GALNT18: variants seen among roughly 807,000 people sequenced by gnomAD.
GALNT18 encodes GalNAc-transferase 18.
In GALNT18, 44 loss-of-function variants were observed where a neutral mutation model predicts 69.5. The ratio of observed to expected loss-of-function variants is 0.63; its 90% CI spans 0.50 to 0.81. The LOEUF is 0.81. Ranked by LOEUF, GALNT18 falls within the 40% of genes least tolerant of loss-of-function variation. The pLI is 0.00. For missense variants in GALNT18, 715 were observed against 810.0 expected (o/e 0.88, Z 1.42); for synonymous variants, 364 against 318.2 (o/e 1.14, Z -1.53).
At chr11:11,352,971 T>A (rs781090364) in intron 6 of GALNT18, 3 of 1,614,206 alleles carry the variant, frequency 1.9e-6, no homozygotes, top group Admixed American at 3.3e-5. Context: ...TACTTCACTG[T>A]ATTTACCTCG....
rs555591968 is a variant in GALNT18 at position 11,415,407 on chromosome 11, C to T, written c.595+17214G>A. 7.9e-5 allele frequency among the ~76,000 whole-genome samples: 12 copies of T among 152,266 alleles called. No individual in the cohort carries two copies. The South Asian group carries it at 2.1e-3, about 26-fold the overall frequency. On this transcript the variant is annotated intron_variant, in intron 3 of 10. Transcript: ENST00000227756. This position sits in a 1 kb window ranked among gnomAD's most constrained non-coding sequence, Gnocchi z 4.1. ...AAATAGTTGCCGAATGAGAAAATAA[C>T]GTGTCCTTGTAGCCACCTACTTGTA...
Position 11,480,577 on chromosome 11 carries a change from G to C in GALNT18, c.236-31641C>G, listed in dbSNP as rs1856504792. Among the ~76,000 whole-genome samples the C allele has an allele frequency of 6.6e-6, 1 of 152,168 alleles. No homozygotes were observed. The highest frequency in any genetic ancestry group is 1.5e-5 in the Non-Finnish European group (1 of 68,026). On this transcript the variant is annotated intron_variant, in intron 1 of 10. Coordinates refer to ENST00000227756, the MANE Select transcript of GALNT18 (RefSeq NM_198516.3). The surrounding 1 kb of genome is among the most constrained non-coding windows in gnomAD (Gnocchi z 4.6). ...TAGAAAGAGGCTCTGAGCAGTCTCTGGTCACCACCTGGTCCCAGTACTGGT... is the reference window on the plus strand; with the variant it reads ...TAGAAAGAGGCTCTGAGCAGTCTCTCGTCACCACCTGGTCCCAGTACTGGT...
chr11:11,397,435 A>C (rs1450024491), intron 3 of GALNT18, among the ~76,000 whole-genome samples: 1 of 152,068 alleles, frequency 6.6e-6, no homozygotes, highest in African/African-American at 2.4e-5. Context: ...AAGGGAGGAA[A>C]CCCAGAATAA....
At chr11:11,371,318 G>T (rs541100971) in intron 6 of GALNT18, among the ~76,000 whole-genome samples, 9 of 152,212 alleles carry the variant, frequency 5.9e-5, no homozygotes. Context: ...CCTGCCTGGT[G>T]GGGTAGGAGA....
Position 11,383,236 on chromosome 11 carries a change from C to A in GALNT18, c.596-3972G>T, listed in dbSNP as rs1487163330. ...TTCAGACTTAGACGCCAAGGAAACA[C>A]AGGGGATTCACCAGCCTGGTCAAAC... On this transcript the variant is annotated intron_variant, in intron 3 of 10. Transcript: ENST00000227756. The surrounding 1 kb of genome is among the most constrained non-coding windows in gnomAD (Gnocchi z 5.2). Among the ~76,000 whole-genome samples, 1 of 152,176 alleles carries A rather than the reference C, an allele frequency of 6.6e-6. No homozygotes were observed. Among genetic ancestry groups the A allele is most frequent in the Non-Finnish European group, 1.5e-5 (1 of 68,032 alleles).
rs1396368535 is a variant in GALNT18, at chr11:11,617,314, G to T, written c.235+4045C>A. On this transcript the variant is annotated intron_variant, in intron 1 of 10. Transcript: ENST00000227756. The surrounding 1 kb of genome is among the most constrained non-coding windows in gnomAD (Gnocchi z 4.7). The stretch of plus-strand genomic sequence containing the variant: ...GACTAAAAGGGATTCTTTGTCCTTT[G>T]AAAACAAGTCCGCTATGACAAGGAC... 6.6e-6 allele frequency among the ~76,000 whole-genome samples: 1 copy of T among 152,170 alleles called. No homozygotes were observed. The highest frequency in any genetic ancestry group is 2.4e-5 in the African/African-American group (1 of 41,442).
At position 11,532,507 on chromosome 11, in the gene GALNT18, G is replaced by A. The variant is rs553671377; in HGVS notation, c.236-83571C>T. ...ACCCAGAACATAGTCATGGCCACAC[G>A]GTGGGCACTCAATCAATGCTCATAA... On this transcript the variant is annotated intron_variant, in intron 1 of 10. Coordinates refer to ENST00000227756, the MANE Select transcript of GALNT18 (RefSeq NM_198516.3). 1.6e-4 allele frequency among the ~76,000 whole-genome samples: 24 copies of A among 152,234 alleles called. No individual in the cohort carries two copies. In the East Asian group the frequency reaches 2.5e-3, roughly 16 times the overall value.
At chr11:11,276,492 CCT>C (rs575681734) in intron 10 of GALNT18, among the ~76,000 whole-genome samples, 6 of 152,134 alleles carry the variant, frequency 3.9e-5, no homozygotes, top group African/African-American at 1.4e-4. Context: ...AATTTGACTT[CCT>C]CTCTCTCTTC....
intron 1 of GALNT18, among the ~76,000 whole-genome samples, chr11:11,499,459 C>G (rs1180817763): frequency 6.6e-6 from 1 of 151,278 alleles, no homozygotes; most frequent in Non-Finnish European, 1.5e-5. Context: ...GGGCTCAAGA[C>G]TCCCAGACCT....
Position 11,592,419 on chromosome 11 carries a change from C to T in GALNT18, c.235+28940G>A, listed in dbSNP as rs919680789. On this transcript the variant is annotated intron_variant, in intron 1 of 10. Transcript: ENST00000227756. The surrounding 1 kb of genome is among the most constrained non-coding windows in gnomAD (Gnocchi z 5.9). ...TAATGTTTGAGCAATTCATCCTTCCCGCAACTGTCCTCCACTTTCCAGGCA... is the reference window on the plus strand; with the variant it reads ...TAATGTTTGAGCAATTCATCCTTCCTGCAACTGTCCTCCACTTTCCAGGCA... 5.9e-5 allele frequency among the ~76,000 whole-genome samples: 9 copies of T among 152,098 alleles called. No individual in the cohort carries two copies. The highest frequency in any genetic ancestry group is 2.1e-4 in the South Asian group (1 of 4,814).
Position 11,564,669 on chromosome 11 carries a change from T to A in GALNT18, c.235+56690A>T, listed in dbSNP as rs1350942006. On this transcript the variant is annotated intron_variant, in intron 1 of 10. Transcript: ENST00000227756. The surrounding 1 kb of genome is among the most constrained non-coding windows in gnomAD (Gnocchi z 4.3). ...TTGGAATTTAATACCAACTTATCTA[T>A]GAAAACCCTGCTAACCCAAGAAGTA... 6.6e-6 allele frequency among the ~76,000 whole-genome samples: 1 copy of A among 152,212 alleles called. No homozygotes were observed. The highest frequency in any genetic ancestry group is 1.5e-5 in the Non-Finnish European group (1 of 68,044).
chr11:11,347,509 G>A lies in GALNT18; in HGVS notation c.1093-6505C>T, dbSNP rs942969513. ...AAGTATGCCACAATTTATTCATTAC[G>A]GTTACCATGGGTAAGGGACTGGGGT... On this transcript the variant is annotated intron_variant, in intron 6 of 10. Coordinates refer to ENST00000227756, the MANE Select transcript of GALNT18 (RefSeq NM_198516.3). The surrounding 1 kb of genome is among the most constrained non-coding windows in gnomAD (Gnocchi z 4.0). Among the ~76,000 whole-genome samples, 12 of 152,132 alleles carry A rather than the reference G, an allele frequency of 7.9e-5. No homozygotes were observed. Among genetic ancestry groups the A allele is most frequent in the African/African-American group, 2.7e-4 (11 of 41,414 alleles).
At position 11,356,732 on chromosome 11, in the gene GALNT18, A is replaced by C. The variant is rs1199337624; in HGVS notation, c.1093-15728T>G. ...TCTCTTTTATACAGCTCCCTCATTG[A>C]ATGCAATTGAAAAAACCAAAGTGTG... On this transcript the variant is annotated intron_variant, in intron 6 of 10. Coordinates refer to ENST00000227756, the MANE Select transcript of GALNT18 (RefSeq NM_198516.3). This position sits in a 1 kb window ranked among gnomAD's most constrained non-coding sequence, Gnocchi z 4.4. Among the ~76,000 whole-genome samples the C allele has an allele frequency of 1.3e-5, 2 of 152,152 alleles. No homozygotes were observed. Among genetic ancestry groups the C allele is most frequent in the African/African-American group, 2.4e-5 (1 of 41,428 alleles).
chr11:11,537,833 T>A (rs1376197402), intron 1 of GALNT18, among the ~76,000 whole-genome samples: 1 of 152,232 alleles, frequency 6.6e-6, no homozygotes, highest in Non-Finnish European at 1.5e-5. Flanking sequence ...CAACGAAGTT[T>A]GGAATTCTCT....
chr11:11,283,795 C>T (rs1035447542), intron 10 of GALNT18, among the ~76,000 whole-genome samples: 2 of 152,212 alleles, frequency 1.3e-5, no homozygotes, highest in South Asian at 2.1e-4. Flanking sequence ...TTAAACCTGG[C>T]AGGAGAGAAG....
At chr11:11,615,590 C>T (rs1031533518) in intron 1 of GALNT18, among the ~76,000 whole-genome samples, 1 of 152,160 alleles carries the variant, frequency 6.6e-6, no homozygotes, top group African/African-American at 2.4e-5. Context: ...GTTTATACCA[C>T]CATCATCCCT....
rs760150419 is a variant in GALNT18, at chr11:11,465,491, A to T, written c.236-16555T>A. On this transcript the variant is annotated intron_variant, in intron 1 of 10. Transcript: ENST00000227756. This position sits in a 1 kb window ranked among gnomAD's most constrained non-coding sequence, Gnocchi z 5.7. ...ATCCTGGGGCTCGTGATCCGTATCC[A>T]TGGCAGCTCAGTAGCCACAGAAGCC... 6.6e-6 allele frequency among the ~76,000 whole-genome samples: 1 copy of T among 152,140 alleles called. No individual in the cohort carries two copies. Among genetic ancestry groups the T allele is most frequent in the East Asian group, 1.9e-4 (1 of 5,174 alleles).
chr11:11,621,583 G>T lies in GALNT18; in HGVS notation c.11C>A (p.Thr4Asn), dbSNP rs1860195276. Residue 4 changes from threonine to asparagine, a missense_variant, in exon 1 of 11, where the codon ACC (threonine) becomes AAC (asparagine). Thr to Asn is a moderately conservative substitution (Grantham distance 65, BLOSUM62 0). Coordinates refer to ENST00000227756, the MANE Select transcript of GALNT18 (RefSeq NM_198516.3). The surrounding 1 kb of genome is among the most constrained non-coding windows in gnomAD (Gnocchi z 9.3). ...GGACACCAAAGTTTTGGTCTTCCTG[G>T]TGCACACCATTCTGGGCTCCTTCCT... MVC[T>N]RKTKTLVSTC... 2.5e-6 allele frequency: 4 copies of T among 1,599,554 alleles called. No homozygotes were observed. The highest frequency in any genetic ancestry group is 3.4e-6 in the Non-Finnish European group (4 of 1,172,428).
chr11:11,420,201 T>A (rs748194527), intron 3 of GALNT18, among the ~76,000 whole-genome samples: 1 of 152,020 alleles, frequency 6.6e-6, no homozygotes, highest in African/African-American at 2.4e-5. Context: ...AGAGCAGATT[T>A]CTGTTGCTAT....
Sources: gnomAD v4.1 joint callset for allele counts (sites outside exome capture counted in the v4.1 genomes callset) on GRCh38, gnomAD v4.1.1 for gene constraint, Gnocchi (gnomAD v3.1) non-coding constraint, MANE v1.5 for transcripts, NCBI Gene and HGNC (gene_info 2026-07-23, HGNC 2026-07-21) for gene names.